The following PNOC variants were observed in gnomAD, a reference collection of about 807,000 sequenced individuals.
The protein encoded by PNOC is nociceptin.
Under a neutral mutation model 15.6 loss-of-function variants are expected in PNOC, and 10 were observed. The observed-to-expected ratio is 0.64, with a 90% CI of 0.40 to 1.09. The LOEUF is 1.09. Ranked by LOEUF, PNOC falls within the 50% of genes least tolerant of loss-of-function variation. The pLI is 0.01. For missense variants in PNOC, 220 were observed against 223.9 expected (o/e 0.98, Z 0.11); for synonymous variants, 98 against 88.5 (o/e 1.11, Z -0.60).
chr8:28,333,964 C>A (rs533712584), intron 2 of PNOC, among the ~76,000 whole-genome samples: 2 of 152,092 alleles, frequency 1.3e-5, no homozygotes, highest in Admixed American at 1.3e-4. Context: ...ACTATGGGCA[C>A]TTTTGACTGG....
chr8:28,327,535 T>C (rs1312423026), intron 1 of PNOC, among the ~76,000 whole-genome samples: 2 of 151,978 alleles, frequency 1.3e-5, no homozygotes, highest in Admixed American at 6.6e-5. Context: ...AAAGAGCGTA[T>C]ACTGGGTGGC....
intron 1 of PNOC, among the ~76,000 whole-genome samples, chr8:28,320,523 T>C (rs1474619258): frequency 6.6e-6 from 1 of 152,138 alleles, no homozygotes; most frequent in African/African-American, 2.4e-5. Context: ...AAATTAGGAA[T>C]GTGTACTCAA....
intron 1 of PNOC, among the ~76,000 whole-genome samples, chr8:28,322,505 A>G (rs1433752333): frequency 6.6e-6 from 1 of 152,248 alleles, no homozygotes; most frequent in Non-Finnish European, 1.5e-5. Flanking sequence ...ACTGACAGGC[A>G]GGGTCAGACA....
At chr8:28,317,665 G>A (rs1044742376) in intron 1 of PNOC, among the ~76,000 whole-genome samples, 1 of 152,140 alleles carries the variant, frequency 6.6e-6, no homozygotes, top group Admixed American at 6.5e-5. Context: ...CAGAGGAGGG[G>A]CAGGCACTTG....
intron 2 of PNOC, among the ~76,000 whole-genome samples, chr8:28,330,434 G>T (rs567332122): frequency 1.0e-5 from 1 of 97,780 alleles, no homozygotes; most frequent in Non-Finnish European, 2.1e-5. Flanking sequence ...TTGCTCTGTC[G>T]CCCAGGCTGG....
In PNOC at chr8:28,329,128, G is replaced by GTTCCAGCACCTGC; in HGVS notation, c.-23-2_-13dup. Reference sequence around the variant, plus strand: ...GTACTCATTGCCATGCTTCCTGTATGTTCCAGCACCTGCTTCCTGCTCCTG... The same window carrying GTTCCAGCACCTGC: ...GTACTCATTGCCATGCTTCCTGTATGTTCCAGCACCTGCTTCCAGCACCTGCTTCCTGCTCCTG... On this transcript the variant is annotated splice_region_variant and splice_polypyrimidine_tract_variant and intron_variant, in intron 1 of 3. Coordinates refer to ENST00000301908, the MANE Select transcript of PNOC (RefSeq NM_006228.5). 6.2e-7 allele frequency: 1 copy of GTTCCAGCACCTGC among 1,611,864 alleles called. No homozygotes were observed. Among genetic ancestry groups the GTTCCAGCACCTGC allele is most frequent in the Non-Finnish European group, 8.5e-7 (1 of 1,179,894 alleles).
intron 2 of PNOC, among the ~76,000 whole-genome samples, chr8:28,336,405 G>A (rs1272482074): frequency 6.6e-6 from 1 of 152,220 alleles, no homozygotes; most frequent in Admixed American, 6.5e-5. Context: ...TTATCAGAGA[G>A]GGGCAGCACT....
In PNOC at chr8:28,336,949, G is replaced by C. The variant is rs566479010; in HGVS notation, c.127-2091G>C. ...GAGGTGCCACTCAGAGACAGGGACC[G>C]AGAGGCCAAGCAGAAGGACAAATAT... On this transcript the variant is annotated intron_variant, in intron 2 of 3. Coordinates refer to ENST00000301908, the MANE Select transcript of PNOC (RefSeq NM_006228.5). Among the ~76,000 whole-genome samples, 5 of 151,998 alleles carry C rather than the reference G, an allele frequency of 3.3e-5. No individual in the cohort carries two copies. The South Asian group carries it at 1.0e-3, about 32-fold the overall frequency.
intron 2 of PNOC, 115 bp downstream of exon 2, chr8:28,329,398 C>A: frequency 8.2e-7 from 1 of 1,214,518 alleles, no homozygotes; most frequent in Non-Finnish European, 1.2e-6. Flanking sequence ...GCTCACAGGA[C>A]TTGCTCAGCA....
intron 2 of PNOC, among the ~76,000 whole-genome samples, chr8:28,333,747 T>A (rs1262412081): frequency 6.6e-6 from 1 of 152,178 alleles, no homozygotes; most frequent in Non-Finnish European, 1.5e-5. Flanking sequence ...CCTCCAAGTT[T>A]AACAACTCTT....
chr8:28,325,607 G>A (rs547908459), intron 1 of PNOC, among the ~76,000 whole-genome samples: 40 of 146,662 alleles, frequency 2.7e-4, no homozygotes, highest in African/African-American at 5.4e-4. Context: ...AGTCGAGATC[G>A]CGCCACTGCA....
In PNOC at chr8:28,339,339, G is replaced by A. The variant is rs374778572; in HGVS notation, c.426G>A (p.Lys142=). The part of the protein sequence containing the change: ...GFTGARKSAR[K]LANQKRFSEF... ...CCGGGGCCCGGAAGTCGGCCAGGAA[G>A]TTGGCCAATCAGAAGCGGTTCAGTG... The change falls in exon 3 of 4, where the codon AAG becomes AAA. Residue 142 remains lysine, a synonymous_variant. Transcript: ENST00000301908. 6.2e-7 allele frequency: 1 copy of A among 1,611,522 alleles called. No individual in the cohort carries two copies. Among genetic ancestry groups the A allele is most frequent in the African/African-American group, 1.3e-5 (1 of 74,892 alleles).
intron 1 of PNOC, among the ~76,000 whole-genome samples, chr8:28,326,169 T>A (rs1003079044): frequency 6.6e-6 from 1 of 151,798 alleles, no homozygotes; most frequent in Admixed American, 6.6e-5. Context: ...CTAGGCAACA[T>A]GGCGAGACCT....
chr8:28,333,876 T>G (rs1801369557), intron 2 of PNOC, among the ~76,000 whole-genome samples: 2 of 152,184 alleles, frequency 1.3e-5, no homozygotes, highest in Admixed American at 6.5e-5. Context: ...CACTCTACCC[T>G]TCTATGACTT....
At chr8:28,317,074 G>C (rs985089271), upstream of PNOC, 2 of 152,456 alleles carry the variant, frequency 1.3e-5, no homozygotes, top group Non-Finnish European at 2.9e-5. Context: ...CTTGAGAATG[G>C]ATTGATGGGG....
At chr8:28,317,548 A>G (rs1801078983) in intron 1 of PNOC, among the ~76,000 whole-genome samples, 1 of 152,188 alleles carries the variant, frequency 6.6e-6, no homozygotes, top group Non-Finnish European at 1.5e-5. Context: ...CAGACGCAGA[A>G]GCAGAAAGAG....
At chr8:28,330,400 T>TATTTTTTTTTTTTTTTAA (rs1431540071) in intron 2 of PNOC, among the ~76,000 whole-genome samples, 2 of 102,246 alleles carry the variant, frequency 2.0e-5, no homozygotes, top group Non-Finnish European at 4.1e-5. Flanking sequence ...TATTTTATTT[T>TATTTTTTTTTTTTTTTAA]TTTTTTTTTT....
intron 1 of PNOC, among the ~76,000 whole-genome samples, chr8:28,327,691 T>C (rs2129864121): frequency 6.6e-6 from 1 of 152,074 alleles, no homozygotes; most frequent in Non-Finnish European, 1.5e-5. Context: ...AATTTTTGTA[T>C]TTTTAGTAGA....
chr8:28,318,043 C>T (rs1801087168), intron 1 of PNOC, among the ~76,000 whole-genome samples: 1 of 152,126 alleles, frequency 6.6e-6, no homozygotes, highest in South Asian at 2.1e-4. Flanking sequence ...TCCCTCTCCC[C>T]CTGCCCATCT....
Sources: allele counts gnomAD v4.1 joint callset (sites outside exome capture counted in the v4.1 genomes callset), GRCh38; gene constraint gnomAD v4.1.1; transcripts MANE v1.5; gene names NCBI Gene and HGNC (gene_info 2026-07-23, HGNC 2026-07-21).